TMEM217: variants seen among roughly 807,000 people sequenced by gnomAD.
TMEM217 encodes transmembrane protein 217.
For missense variants in TMEM217, 204 were observed against 248.8 expected (o/e 0.82, Z 1.21); for synonymous variants, 76 against 88.3 (o/e 0.86, Z 0.78).
At chr6:37,235,252 G>A (rs1417197089) in intron 1 of TMEM217, among the ~76,000 whole-genome samples, 3 of 152,164 alleles carry the variant, frequency 2.0e-5, no homozygotes, top group Admixed American at 6.5e-5. Flanking sequence ...ATCTTGGAAT[G>A]TTGGCAACAT....
chr6:37,235,085 A>AG (rs1378603917), intron 1 of TMEM217, among the ~76,000 whole-genome samples: 3 of 152,202 alleles, frequency 2.0e-5, no homozygotes, highest in Non-Finnish European at 4.4e-5. Flanking sequence ...GCAATGTGGA[A>AG]GGACAGCTGG....
chr6:37,224,841 TA>T (rs1763729923), intron 1 of TMEM217, among the ~76,000 whole-genome samples: 1 of 152,032 alleles, frequency 6.6e-6, no homozygotes, highest in African/African-American at 2.4e-5. Context: ...TTTAAGAATA[TA>T]TTTTTTGGCC....
intron 1 of TMEM217, among the ~76,000 whole-genome samples, chr6:37,221,345 C>G (rs1271792122): frequency 6.6e-6 from 1 of 152,138 alleles, no homozygotes; most frequent in East Asian, 1.9e-4. Context: ...CACCACCACA[C>G]CTGGCTAATT....
intron 1 of TMEM217, among the ~76,000 whole-genome samples, chr6:37,232,758 C>T (rs534602146): frequency 1.4e-4 from 22 of 152,336 alleles, no homozygotes; most frequent in South Asian, 4.1e-4. Flanking sequence ...TCCTGCCCTC[C>T]GCGGAATCTT....
At chr6:37,241,567 GC>G (rs1764771558) in intron 1 of TMEM217, among the ~76,000 whole-genome samples, 1 of 152,198 alleles carries the variant, frequency 6.6e-6, no homozygotes, top group Admixed American at 6.5e-5. Flanking sequence ...GCATGAGGCA[GC>G]TGTCAGCACC....
chr6:37,251,767 TTTTG>T (rs1213783881), intron 1 of TMEM217, among the ~76,000 whole-genome samples: 5 of 152,204 alleles, frequency 3.3e-5, no homozygotes, highest in African/African-American at 1.2e-4. Context: ...TTTTAAGATT[TTTTG>T]TTTATTAATC....
intron 1 of TMEM217, among the ~76,000 whole-genome samples, chr6:37,235,105 T>C (rs1404183467): frequency 6.6e-6 from 1 of 152,192 alleles, no homozygotes; most frequent in Non-Finnish European, 1.5e-5. Flanking sequence ...GATAACTCTG[T>C]CATAGTCTAA....
exon 2 of TMEM217, chr6:37,218,216 C>A: frequency 7.7e-7 from 1 of 1,305,622 alleles, no homozygotes; most frequent in East Asian, 3.3e-5. Context: ...GTCACTCAGG[C>A]TGAAGTGCAC....
At chr6:37,256,933 T>C (rs180780134) in intron 1 of TMEM217, among the ~76,000 whole-genome samples, 10 of 152,282 alleles carry the variant, frequency 6.6e-5, no homozygotes, top group Admixed American at 5.9e-4. Flanking sequence ...TAAATCTCAT[T>C]GTCTGGGAAA....
downstream of TMEM217, chr6:37,212,952 G>A (rs1371209280): frequency 6.5e-7 from 1 of 1,549,456 alleles, no homozygotes; most frequent in Admixed American, 2.0e-5. Context: ...CCATGAGGGA[G>A]AACATCCTGA....
intron 1 of TMEM217, among the ~76,000 whole-genome samples, chr6:37,226,307 T>C (rs1352493014): frequency 1.6e-4 from 19 of 115,672 alleles, no homozygotes; most frequent in African/African-American, 6.5e-4. Flanking sequence ...TTTTTTTTTT[T>C]TTTGAGACAG....
intron 1 of TMEM217, among the ~76,000 whole-genome samples, chr6:37,255,760 C>T (rs754765106): frequency 7.9e-5 from 12 of 151,400 alleles, no homozygotes; most frequent in Admixed American, 5.3e-4. Context: ...AGCAGGGAGC[C>T]GAATAGCAGG....
chr6:37,212,607 C>A (rs1762971581), exon 4 of TMEM217: 4 of 489,420 alleles, frequency 8.2e-6, no homozygotes, highest in Non-Finnish European at 1.6e-5. Context: ...AGATCCAGTG[C>A]AAATAACTCA....
downstream of TMEM217, among the ~76,000 whole-genome samples, chr6:37,215,579 A>C (rs1763154996): frequency 4.8e-5 from 1 of 20,820 alleles, no homozygotes; most frequent in African/African-American, 1.9e-4. Flanking sequence ...TCAAAAAAAA[A>C]AAAAAAAAAA....
intron 1 of TMEM217, among the ~76,000 whole-genome samples, chr6:37,245,796 CTTTCTTTCTT>C (rs1379493377): frequency 1.4e-3 from 108 of 77,192 alleles, no homozygotes; most frequent in African/African-American, 7.1e-3. Context: ...TTCTTTCTTT[CTTTCTTTCTT>C]TTTTTTTTTT....
chr6:37,252,246 T>C (rs757271817), intron 1 of TMEM217, among the ~76,000 whole-genome samples: 22 of 152,322 alleles, frequency 1.4e-4, no homozygotes, highest in South Asian at 8.3e-4. Context: ...TAATATTCCA[T>C]GACATGTAAC....
intron 1 of TMEM217, among the ~76,000 whole-genome samples, chr6:37,234,392 G>A (rs942188388): frequency 6.6e-6 from 1 of 152,168 alleles, no homozygotes; most frequent in Non-Finnish European, 1.5e-5. Context: ...GAGCCACCAC[G>A]CCTTGCCACT....
At chr6:37,237,261 G>T (rs780491465) in intron 1 of TMEM217, among the ~76,000 whole-genome samples, 16 of 152,062 alleles carry the variant, frequency 1.1e-4, no homozygotes, top group Admixed American at 2.6e-4. Flanking sequence ...GGTTGCCCAG[G>T]GAAACAAAAG....
Position 37,220,488 on chromosome 6 carries a change from A to G in TMEM217, c.-11-1447T>C, listed in dbSNP as rs1248591143. Among the ~76,000 whole-genome samples, 3 of 151,886 alleles carry G rather than the reference A, an allele frequency of 2.0e-5. No homozygotes were observed. In the East Asian group the frequency reaches 5.8e-4, roughly 29 times the overall value. On this transcript the variant is annotated intron_variant, in intron 1 of 1. Transcript: ENST00000357219. The stretch of plus-strand genomic sequence containing the variant: ...AACTCCAAGAAAAGTTGGCTTGTTA[A>G]CTACACTGAGCAGGTGGGGAGAAAA...
Sources: gnomAD v4.1 joint callset for allele counts (sites outside exome capture counted in the v4.1 genomes callset) on GRCh38, gnomAD v4.1.1 for gene constraint, MANE v1.5 for transcripts, NCBI Gene and HGNC (gene_info 2026-07-23, HGNC 2026-07-21) for gene names.